Variants in FAT3 observed in about 807,000 individuals in gnomAD.
FAT3 encodes the protein protocadherin Fat 3.
FAT3 carries 95 observed loss-of-function variants against 310.2 expected under a neutral mutation model. The observed-to-expected ratio is 0.31, with a 90% CI of 0.26 to 0.36. FAT3 has a LOEUF of 0.36. Ranked by LOEUF, FAT3 falls within the 10% of genes least tolerant of loss-of-function variation. The pLI, the probability that FAT3 is intolerant of heterozygous loss-of-function variation, is 1.00. For synonymous variants in FAT3, 2,314 were observed against 2,192.9 expected (o/e 1.06, Z -1.54); for missense variants, 5,408 against 5,715.6 (o/e 0.95, Z 1.74).
At chr11:92,835,635 TG>T (rs1427041038) in intron 15 of FAT3, among the ~76,000 whole-genome samples, 1 of 152,184 alleles carries the variant, frequency 6.6e-6, no homozygotes, top group Admixed American at 6.5e-5. Flanking sequence ...AACATCACTT[TG>T]TACCCCATAA....
chr11:92,254,162 A>G (rs577867252), intron 1 of FAT3, among the ~76,000 whole-genome samples: 6 of 152,232 alleles, frequency 3.9e-5, no homozygotes, highest in South Asian at 2.1e-4. Flanking sequence ...TGTGCTCCCT[A>G]GAAGACAGAG....
intron 1 of FAT3, among the ~76,000 whole-genome samples, chr11:92,322,755 A>G (rs1441406858): frequency 6.6e-6 from 1 of 152,216 alleles, no homozygotes; most frequent in Admixed American, 6.5e-5. Context: ...GTTTTATCAT[A>G]GATTGCAGCA....
intron 3 of FAT3, among the ~76,000 whole-genome samples, chr11:92,613,395 T>A (rs1456103587): frequency 2.0e-5 from 2 of 99,922 alleles, no homozygotes; most frequent in African/African-American, 1.2e-4. Flanking sequence ...AATTAAATAT[T>A]TTTTTTAAAA....
intron 1 of FAT3, among the ~76,000 whole-genome samples, chr11:92,341,937 CT>C (rs1948274582): frequency 6.6e-6 from 1 of 152,134 alleles, no homozygotes; most frequent in African/African-American, 2.4e-5. Flanking sequence ...TTTTAGAGAG[CT>C]GAGTGTGTAT....
At position 92,389,742 on chromosome 11, in the gene FAT3, G is replaced by C. The variant is rs77140390; in HGVS notation, c.3292+34338G>C. Among the ~76,000 whole-genome samples the C allele has an allele frequency of 5.1e-3, 779 of 152,322 alleles. 4 individuals are homozygous for C. The highest frequency in any genetic ancestry group is 7.9e-3 in the Non-Finnish European group (538 of 68,032). ...TTACTGATAATAAAATAGAGGCACAGAGAAGGTAATTGCCGATGATCACAT... is the reference window on the plus strand; with the variant it reads ...TTACTGATAATAAAATAGAGGCACACAGAAGGTAATTGCCGATGATCACAT... On this transcript the variant is annotated intron_variant, in intron 2 of 27. Coordinates refer to ENST00000525166, the MANE Select transcript of FAT3 (RefSeq NM_001367949.2).
intron 1 of FAT3, among the ~76,000 whole-genome samples, chr11:92,317,144 T>A (rs754200725): frequency 3.9e-5 from 6 of 152,152 alleles, no homozygotes; most frequent in Non-Finnish European, 8.8e-5. Flanking sequence ...AAAGACTGAA[T>A]GAATGAATGA....
rs1226229412 is a variant in FAT3, at chr11:92,800,203, T to A, written c.7190T>A (p.Leu2397His). The A allele has an allele frequency of 6.2e-7, 1 of 1,613,904 alleles. No homozygotes were observed. The highest frequency in any genetic ancestry group is 8.5e-7 in the Non-Finnish European group (1 of 1,179,886). Residue 2397 changes from leucine to histidine, a missense_variant, in exon 10 of 28, where the codon CTC becomes CAC. Transcript: ENST00000525166. ...VNDNPPVFNQ[L>H]IYESYVSELA... ...GACAACCCTCCAGTTTTTAATCAGC[T>A]CATTTATGAGTCATATGTGAGTGAA...
At chr11:92,327,051 T>C (rs974644211) in intron 1 of FAT3, among the ~76,000 whole-genome samples, 3 of 152,192 alleles carry the variant, frequency 2.0e-5, no homozygotes, top group Non-Finnish European at 2.9e-5. Context: ...TAAGATATTC[T>C]GTATGCAGTA....
intron 2 of FAT3, among the ~76,000 whole-genome samples, chr11:92,466,548 C>T (rs531965444): frequency 1.1e-4 from 16 of 151,580 alleles, no homozygotes; most frequent in South Asian, 6.3e-4. Flanking sequence ...GCCTCCATTC[C>T]GCATATCTTT....
chr11:92,354,484 G>A lies in FAT3; in HGVS notation c.2372G>A (p.Arg791Gln), dbSNP rs199786266. Residue 791 changes from arginine to glutamine, a missense_variant, in exon 2 of 28, where the codon CGA (arginine) becomes CAA (glutamine). By Grantham distance (43) the Arg-to-Gln change is conservative (BLOSUM62 1). This residue lies in a region of FAT3 where 4,588 missense variants were observed against 4,809.8 expected (regional missense o/e 0.95). Transcript: ENST00000525166. ...GQLKVLMPMD[R>Q]EHTDLYLLNI... ...CTTAAAGTCCTTATGCCCATGGATC[G>A]AGAACACACAGACCTCTATCTCCTT... The A allele has an allele frequency of 6.2e-6, 10 of 1,613,668 alleles. No homozygotes were observed. The highest frequency in any genetic ancestry group is 1.6e-4 in the Middle Eastern group (1 of 6,082).
At chr11:92,886,734 A>T (rs951380094) in intron 24 of FAT3, 3 of 412,422 alleles carry the variant, frequency 7.3e-6, no homozygotes, top group African/African-American at 6.0e-5. Flanking sequence ...CTTCACTTCG[A>T]GGAAGAAACA....
chr11:92,545,316 C>G (rs1405433173), intron 3 of FAT3, among the ~76,000 whole-genome samples: 1 of 152,218 alleles, frequency 6.6e-6, no homozygotes, highest in Non-Finnish European at 1.5e-5. Context: ...TCATCACTAT[C>G]TAACAAGGTA....
At chr11:92,475,024 T>C (rs555277876) in intron 2 of FAT3, among the ~76,000 whole-genome samples, 83 of 152,344 alleles carry the variant, frequency 5.4e-4, no homozygotes, top group Admixed American at 1.5e-3. Context: ...TGGTTTTAAA[T>C]ATTTCTCCTT....
intron 2 of FAT3, among the ~76,000 whole-genome samples, chr11:92,454,455 A>T (rs904761114): frequency 3.3e-5 from 5 of 152,228 alleles, no homozygotes; most frequent in Non-Finnish European, 4.4e-5. Context: ...TTGGTAAAAG[A>T]CATATAGGAA....
At chr11:92,692,582 A>G (rs988122357) in intron 3 of FAT3, among the ~76,000 whole-genome samples, 2 of 152,210 alleles carry the variant, frequency 1.3e-5, no homozygotes, top group Non-Finnish European at 2.9e-5. Context: ...GGAGATTCAG[A>G]TGATAAATGA....
intron 2 of FAT3, among the ~76,000 whole-genome samples, chr11:92,518,281 T>C (rs1184612217): frequency 6.6e-6 from 1 of 152,118 alleles, no homozygotes; most frequent in Non-Finnish European, 1.5e-5. Flanking sequence ...CCATCAATGA[T>C]AGACTGGTTA....
At position 92,836,746 on chromosome 11, in the gene FAT3, A is replaced by G. The variant is rs1187857203; in HGVS notation, c.10224+43A>G. On this transcript the variant is annotated intron_variant, in intron 16 of 27. Transcript: ENST00000525166. ...AGTTTCCTTCCCATCCACATCCACCACTTTCCTAGAATCAGGGGCACAAGC... is the reference window on the plus strand; with the variant it reads ...AGTTTCCTTCCCATCCACATCCACCGCTTTCCTAGAATCAGGGGCACAAGC... The G allele has an allele frequency of 1.9e-6, 3 of 1,590,460 alleles. No individual in the cohort carries two copies. In the African/African-American group the frequency reaches 4.0e-5, roughly 21 times the overall value.
rs1229395568 is a variant in FAT3, at chr11:92,840,712, G to A, written c.10519G>A (p.Val3507Met). The A allele has an allele frequency of 6.2e-7, 1 of 1,607,690 alleles. No homozygotes were observed. The highest frequency in any genetic ancestry group is 8.5e-7 in the Non-Finnish European group (1 of 1,174,812). Reference sequence around the variant, plus strand: ...CCCTCATGGGATCTTGCGGTCGGCTGTGGTCTTCCAGCACACAGAGTCTCT... The same window carrying A: ...CCCTCATGGGATCTTGCGGTCGGCTATGGTCTTCCAGCACACAGAGTCTCT... ...LDPHGILRSA[V>M]VFQHTESLEY... is the part of the protein sequence containing the mutation. Residue 3507 changes from valine to methionine, a missense_variant, in exon 18 of 28, where the codon GTG becomes ATG. Physicochemically the swap from Val to Met is conservative, Grantham distance 21. Transcript: ENST00000525166.
intron 1 of FAT3, among the ~76,000 whole-genome samples, chr11:92,248,893 G>A (rs1167384169): frequency 6.6e-6 from 1 of 152,008 alleles, no homozygotes; most frequent in African/African-American, 2.4e-5. Flanking sequence ...TGGAACTTTA[G>A]GGCTGGAAGA....
Sources: allele counts gnomAD v4.1 joint callset (sites outside exome capture counted in the v4.1 genomes callset), GRCh38; gene constraint gnomAD v4.1.1; regional missense constraint gnomAD v4.1.1; transcripts MANE v1.5; gene names NCBI Gene and HGNC (gene_info 2026-07-23, HGNC 2026-07-21).